TBL1X: variants seen among roughly 807,000 people sequenced by gnomAD.
The protein encoded by TBL1X is transducin beta like 1 X-linked.
In TBL1X, 10 loss-of-function variants were observed where a neutral mutation model predicts 50.7. That is an observed-to-expected ratio of 0.20 (90% CI 0.12 to 0.33). The LOEUF is 0.33. Ranked by LOEUF, TBL1X falls within the 10% of genes least tolerant of loss-of-function variation. The pLI is 1.00. For synonymous variants in TBL1X, 190 were observed against 214.7 expected, an observed-to-expected ratio of 0.88 and a Z score of 1.01; for missense variants, 340 against 504.4, an observed-to-expected ratio of 0.67 and a Z score of 3.12.
chrX:9,600,471 G>GGGC (rs1555899107), intron 2 of TBL1X, among the ~76,000 whole-genome samples: 4 of 80,632 alleles, frequency 5.0e-5, no homozygotes, highest in African/African-American at 1.9e-4. Context: ...TTGGTGGGCG[G>GGGC]GGGGGGGGGT....
intron 2 of TBL1X, among the ~76,000 whole-genome samples, chrX:9,564,888 T>C (rs1362888334): frequency 1.9e-5 from 2 of 107,517 alleles, no homozygotes; most frequent in Non-Finnish European, 3.8e-5. Context: ...TGTTGGAGAG[T>C]GTGGGAAGGA....
intron 2 of TBL1X, among the ~76,000 whole-genome samples, chrX:9,549,878 T>G (rs1434826162): frequency 9.0e-6 from 1 of 111,557 alleles, no homozygotes; most frequent in Non-Finnish European, 1.9e-5. Flanking sequence ...CTCAGAGCAG[T>G]TCACTGATTT....
chrX:9,485,054 C>T (rs955282513), intron 1 of TBL1X, among the ~76,000 whole-genome samples: 48 of 111,214 alleles, frequency 4.3e-4, no homozygotes, highest in Admixed American at 2.6e-3. Flanking sequence ...TGCCACTGCA[C>T]TCCAGCCTGG....
chrX:9,530,115 C>T lies in TBL1X; in HGVS notation c.-131+28266C>T, dbSNP rs190741542. The stretch of plus-strand genomic sequence containing the variant: ...TCTAGTTTTAGAAGACCTAAAAAGA[C>T]GATTTAAAAAAACAAACAGGAGAGC... On this transcript the variant is annotated intron_variant, in intron 2 of 17. Transcript: ENST00000645353. 9.0e-5 allele frequency among the ~76,000 whole-genome samples: 10 copies of T among 111,350 alleles called. No homozygotes were observed. The East Asian group carries it at 1.1e-3, about 13-fold the overall frequency.
intron 2 of TBL1X, among the ~76,000 whole-genome samples, chrX:9,581,054 G>A (rs2082438838): frequency 1.8e-5 from 2 of 111,298 alleles, no homozygotes; most frequent in Admixed American, 1.9e-4. Context: ...GTGCTTGGGG[G>A]GCTTTCGAAT....
chrX:9,464,351 C>T (rs1380891209), upstream of TBL1X, among the ~76,000 whole-genome samples: 1 of 111,930 alleles, frequency 8.9e-6, no homozygotes, highest in Non-Finnish European at 1.9e-5. Context: ...ACCCGAGTTC[C>T]TGGCGCCTAT....
At chrX:9,546,760 C>T (rs1321209196) in intron 2 of TBL1X, among the ~76,000 whole-genome samples, 2 of 85,354 alleles carry the variant, frequency 2.3e-5, no homozygotes, top group African/African-American at 8.3e-5. Flanking sequence ...GAAGAGCTTT[C>T]TGTTTTGACC....
At chrX:9,466,896 C>G (rs1250847915) in intron 1 of TBL1X, among the ~76,000 whole-genome samples, 1 of 112,208 alleles carries the variant, frequency 8.9e-6, no homozygotes, top group Non-Finnish European at 1.9e-5. Context: ...TTGTTCATCA[C>G]TGGATCACCG....
chrX:9,589,973 T>G (rs921407184), intron 2 of TBL1X, among the ~76,000 whole-genome samples: 3 of 111,754 alleles, frequency 2.7e-5, no homozygotes, highest in African/African-American at 9.8e-5. Flanking sequence ...TCCTGTGGTG[T>G]TCCTGCCAAA....
intron 14 of TBL1X, 99 bp downstream of exon 14, chrX:9,709,421 A>G (rs2083230692): frequency 3.0e-6 from 3 of 1,008,568 alleles, no homozygotes; most frequent in Non-Finnish European, 4.1e-6. Context: ...ATTATTTATT[A>G]CTGACCACCC....
intron 2 of TBL1X, among the ~76,000 whole-genome samples, chrX:9,603,567 T>G (rs890958680): frequency 1.8e-5 from 2 of 111,812 alleles, no homozygotes; most frequent in Non-Finnish European, 3.8e-5. Flanking sequence ...GGTAACCATC[T>G]GGAGGGGACT....
rs778006720 is a variant in TBL1X at position 9,688,148 on chromosome X, G to A, written c.489G>A (p.Ala163=). Residue 163 remains alanine (A), a synonymous_variant, in exon 7 of 18, where the codon GCG becomes GCA. Coordinates refer to ENST00000645353, the MANE Select transcript of TBL1X (RefSeq NM_005647.4). ...CTCAGCAGCAAGCCAGTGCGGCGGC[G>A]GCGGCGGCTGCGGCCACGGCAGCAG... ...KLAQQQASAA[A]AAAAATAAAT... is the part of the protein sequence containing the mutation. 7 of 1,198,300 alleles carry A rather than the reference G, an allele frequency of 5.8e-6. No homozygotes were observed. In the East Asian group the frequency reaches 9.1e-5, roughly 16 times the overall value.
chrX:9,565,145 AC>A (rs1388413102), intron 2 of TBL1X, among the ~76,000 whole-genome samples: 2 of 106,181 alleles, frequency 1.9e-5, no homozygotes, highest in Non-Finnish European at 3.9e-5. Context: ...GGTGTTGGGC[AC>A]CTGTAGTCCC....
chrX:9,557,792 A>G (rs1454963314), intron 2 of TBL1X, among the ~76,000 whole-genome samples: 1 of 111,924 alleles, frequency 8.9e-6, no homozygotes, highest in Non-Finnish European at 1.9e-5. Context: ...GAAGAGAGGT[A>G]CAAGGGCAGA....
intron 2 of TBL1X, among the ~76,000 whole-genome samples, chrX:9,624,062 A>G (rs1197463790): frequency 1.8e-5 from 2 of 112,362 alleles, no homozygotes; most frequent in African/African-American, 6.5e-5. Flanking sequence ...TGACTAGGAG[A>G]TAAATCTCTG....
At chrX:9,659,596 A>G (rs2082885517) in intron 5 of TBL1X, among the ~76,000 whole-genome samples, 1 of 112,256 alleles carries the variant, frequency 8.9e-6, no homozygotes, top group African/African-American at 3.2e-5. Context: ...ATTTGTATGA[A>G]CGCAGGTTTT....
At chrX:9,654,618 G>C (rs933745468) in intron 5 of TBL1X, among the ~76,000 whole-genome samples, 9 of 111,299 alleles carry the variant, frequency 8.1e-5, no homozygotes, top group African/African-American at 2.9e-4. Flanking sequence ...CCTCCACCTC[G>C]GCGAGGGCAT....
chrX:9,708,216 C>T (rs1367083547), intron 13 of TBL1X, among the ~76,000 whole-genome samples: 2 of 111,630 alleles, frequency 1.8e-5, no homozygotes, highest in African/African-American at 3.3e-5. Flanking sequence ...GTAGTGTCCC[C>T]GTCTCCCTTG....
chrX:9,687,185 A>C (rs1272248580), intron 6 of TBL1X, among the ~76,000 whole-genome samples: 1 of 111,621 alleles, frequency 9.0e-6, no homozygotes, highest in Non-Finnish European at 1.9e-5. Flanking sequence ...ACGTGTGTGG[A>C]AAGTTTTCCA....
Sources: allele counts gnomAD v4.1 joint callset (sites outside exome capture counted in the v4.1 genomes callset), GRCh38; gene constraint gnomAD v4.1.1; transcripts MANE v1.5; gene names NCBI Gene and HGNC (gene_info 2026-07-23, HGNC 2026-07-21).